TRIP12: variants seen among roughly 807,000 people sequenced by gnomAD.
The protein encoded by TRIP12 is thyroid hormone receptor interactor 12.
TRIP12 carries 25 observed loss-of-function variants against 244.2 expected under a neutral mutation model. The ratio of observed to expected loss-of-function variants is 0.10; its 90% CI spans 0.07 to 0.14. TRIP12 has a LOEUF of 0.14. TRIP12 is among the 10% of genes least tolerant of loss of function. TRIP12 has a pLI of 1.00. For synonymous variants in TRIP12, 905 were observed against 873.1 expected (o/e 1.04, Z -0.64); for missense variants, 1,677 against 2,486.4 (o/e 0.67, Z 6.92).
chr2:229,922,219 G>A, upstream of TRIP12: 1 of 301,356 alleles, frequency 3.3e-6, no homozygotes, highest in Middle Eastern at 9.7e-4. Flanking sequence ...CGATCCCTTC[G>A]AGGGACCAGG....
Position 229,879,894 on chromosome 2 carries a change from C to T in TRIP12, c.98+88G>A. 4 of 1,401,694 alleles carry T rather than the reference C, an allele frequency of 2.9e-6. No homozygotes were observed. In the South Asian group the frequency reaches 3.5e-5, roughly 12 times the overall value. 86.8% of individuals were successfully genotyped at this position (1,401,694 alleles called of 1,614,324 possible). A position where few individuals can be genotyped will look rare whatever the true frequency, so the allele number is the denominator to read the frequency against. On this transcript the variant is annotated intron_variant, in intron 2 of 41. Coordinates refer to ENST00000675903, the MANE Select transcript of TRIP12 (RefSeq NM_001348323.3). The stretch of plus-strand genomic sequence containing the variant: ...GGAAAAATTACCCATATGCAATGAA[C>T]CATTCAAGTTTTGGACCTCGCAAGG...
chr2:229,919,399 A>C (rs1319174129), intron 1 of TRIP12, among the ~76,000 whole-genome samples: 2 of 150,940 alleles, frequency 1.3e-5, no homozygotes, highest in African/African-American at 4.8e-5. Context: ...TAGGCGACAG[A>C]GCAAGATTCT....
chr2:229,878,410 G>A (rs555106548), intron 2 of TRIP12, among the ~76,000 whole-genome samples: 8 of 148,710 alleles, frequency 5.4e-5, no homozygotes, highest in South Asian at 2.1e-4. Flanking sequence ...AGATCATGCC[G>A]CTGCACTCCA....
In TRIP12 at chr2:229,829,214, T is replaced by G; in HGVS notation, c.1429A>C (p.Arg477=). The part of the protein sequence containing the change: ...LGPRMSQLFH[R]TIGSGASSKA... ...TTACTAGCTCCACTTCCAATTGTTCTATGGAAAAGCTGTGACATCCGAGGA... is the reference window on the plus strand; with the variant it reads ...TTACTAGCTCCACTTCCAATTGTTCGATGGAAAAGCTGTGACATCCGAGGA... The change falls in exon 8 of 42, where the codon AGA becomes CGA. Residue 477 remains arginine, a synonymous_variant. Coordinates refer to ENST00000675903, the MANE Select transcript of TRIP12 (RefSeq NM_001348323.3). 1 of 1,613,924 alleles carries G rather than the reference T, an allele frequency of 6.2e-7. No individual in the cohort carries two copies. Among genetic ancestry groups the G allele is most frequent in the South Asian group, 1.1e-5 (1 of 91,020 alleles).
At position 229,768,647 on chromosome 2, in the gene TRIP12, A is replaced by G; in HGVS notation, c.5976T>C (p.Phe1992=). The stretch of plus-strand genomic sequence containing the variant: ...CAGGCAATCTTGGGCTACCAGTCAC[A>G]AACTGGAGAAATAACCTCTGCTGCT... The part of the protein sequence containing the change: ...DNEQQRLFLQ[F]VTGSPRLPVG... The change falls in exon 41 of 42, where the codon TTT becomes TTC. Residue 1992 remains phenylalanine (F), a synonymous_variant. Transcript: ENST00000675903. 1.2e-6 allele frequency: 2 copies of G among 1,612,760 alleles called. No individual in the cohort carries two copies. The highest frequency in any genetic ancestry group is 1.7e-6 in the Non-Finnish European group (2 of 1,179,752).
chr2:229,852,827 T>C (rs1260087686), intron 4 of TRIP12, among the ~76,000 whole-genome samples: 2 of 152,232 alleles, frequency 1.3e-5, no homozygotes, highest in East Asian at 3.8e-4. Context: ...TAACAAGGTC[T>C]TCCTGTTTAA....
At chr2:229,828,569 C>T (rs549196274) in intron 8 of TRIP12, among the ~76,000 whole-genome samples, 8 of 151,904 alleles carry the variant, frequency 5.3e-5, no homozygotes, top group African/African-American at 1.2e-4. Flanking sequence ...GTCAGGAGAT[C>T]GAGATCAGCC....
At chr2:229,864,047 A>AGAGAGAGAGAGAGTGAGTGTGT in intron 2 of TRIP12, among the ~76,000 whole-genome samples, 14 of 79,304 alleles carry the variant, frequency 1.8e-4, no homozygotes, top group East Asian at 1.3e-3. Flanking sequence ...AGAGAGAGAG[A>AGAGAGAGAGAGAGTGAGTGTGT]GTGTGTGTGT....
chr2:229,773,998 G>C, intron 38 of TRIP12, 99 bp downstream of exon 38: 1 of 1,269,832 alleles, frequency 7.9e-7, no homozygotes, highest in Non-Finnish European at 1.1e-6. Context: ...GGATGTGGAA[G>C]GTCTCAAGCC....
chr2:229,813,511 C>T (rs2047760837), intron 13 of TRIP12, among the ~76,000 whole-genome samples: 1 of 152,230 alleles, frequency 6.6e-6, no homozygotes, highest in South Asian at 2.1e-4. Context: ...TGGCTGGGCG[C>T]GGTAGCTCAC....
intron 33 of TRIP12, among the ~76,000 whole-genome samples, chr2:229,786,832 T>A (rs1414102376): frequency 6.6e-6 from 1 of 152,112 alleles, no homozygotes; most frequent in Non-Finnish European, 1.5e-5. Flanking sequence ...ATGTCTCTTA[T>A]GAAACTTTTG....
intron 24 of TRIP12, among the ~76,000 whole-genome samples, chr2:229,797,228 A>AAAAT (rs535577323): frequency 6.6e-6 from 1 of 152,110 alleles, no homozygotes; most frequent in Non-Finnish European, 1.5e-5. Flanking sequence ...CAAAAACATC[A>AAAAT]AAATAAATAA....
intron 8 of TRIP12, among the ~76,000 whole-genome samples, chr2:229,821,479 G>C (rs1385608552): frequency 6.6e-6 from 1 of 152,098 alleles, no homozygotes; most frequent in Non-Finnish European, 1.5e-5. Flanking sequence ...GGTCTCTACT[G>C]CAACTACTCA....
intron 34 of TRIP12, among the ~76,000 whole-genome samples, chr2:229,780,501 CTCAT>C (rs1320589783): frequency 1.3e-5 from 2 of 152,146 alleles, no homozygotes; most frequent in African/African-American, 2.4e-5. Context: ...GGTTTTCCAT[CTCAT>C]TCAAAGCACA....
At chr2:229,789,792 G>T in intron 30 of TRIP12, 30 bp from the exon 31 acceptor site, 2 of 1,611,188 alleles carry the variant, frequency 1.2e-6, no homozygotes, top group South Asian at 2.2e-5. Flanking sequence ...AGTAAGTTTT[G>T]ATCAAAGTTA....
At position 229,813,898 on chromosome 2, in the gene TRIP12, G is replaced by T. The variant is rs779010108; in HGVS notation, c.1958C>A (p.Pro653Gln). Residue 653 changes from proline to glutamine, a missense_variant, in exon 13 of 42, where the codon CCA becomes CAA. By Grantham distance (76) the Pro-to-Gln change is moderately conservative (BLOSUM62 -1). Transcript: ENST00000675903. ...ATGTGTTAGCCTTTGGGTTAGCAAT[G>T]GGAGTGAATCTGCCACAAAATGAAA... Reference protein sequence around the residue: ...DEFHFVADSLPLLTQRLTHQD... With the variant: ...DEFHFVADSLQLLTQRLTHQD... The T allele has an allele frequency of 1.3e-6, 2 of 1,572,552 alleles. No homozygotes were observed. Among genetic ancestry groups the T allele is most frequent in the Non-Finnish European group, 8.7e-7 (1 of 1,150,210 alleles).
chr2:229,916,018 A>T (rs1026598965), intron 1 of TRIP12, among the ~76,000 whole-genome samples: 1 of 152,226 alleles, frequency 6.6e-6, no homozygotes, highest in Non-Finnish European at 1.5e-5. Flanking sequence ...ACCTATGCAT[A>T]TAACAGAGGT....
intron 1 of TRIP12, among the ~76,000 whole-genome samples, chr2:229,902,662 G>T (rs1335270157): frequency 2.0e-5 from 3 of 152,098 alleles, no homozygotes; most frequent in Admixed American, 6.6e-5. Flanking sequence ...TGGTTTTTTT[G>T]AATCTTATGG....
intron 34 of TRIP12, among the ~76,000 whole-genome samples, chr2:229,785,263 A>ATG (rs1426758430): frequency 2.0e-5 from 3 of 152,224 alleles, no homozygotes. Flanking sequence ...AAACACATCA[A>ATG]TGTTTATCAA....
Sources: gnomAD v4.1 joint callset for allele counts (sites outside exome capture counted in the v4.1 genomes callset) on GRCh38, gnomAD v4.1.1 for gene constraint, MANE v1.5 for transcripts, NCBI Gene and HGNC (gene_info 2026-07-23, HGNC 2026-07-21) for gene names.